DCC: variants seen among roughly 807,000 people sequenced by gnomAD.
DCC encodes DCC netrin 1 receptor.
Under a neutral mutation model 172.5 loss-of-function variants are expected in DCC, and 58 were observed. The observed-to-expected ratio is 0.34, with a 90% CI of 0.27 to 0.42. DCC has a LOEUF of 0.42. DCC is among the 10% of genes least tolerant of loss of function. The probability of loss-of-function intolerance (pLI) is 1.00; values close to 1 mark genes in which losing one functional copy is unlikely to be tolerated. For missense variants in DCC, 1,740 were observed against 1,791.0 expected, an observed-to-expected ratio of 0.97 and a Z score of 0.51; for synonymous variants, 709 against 644.5, an observed-to-expected ratio of 1.10 and a Z score of -1.52.
At chr18:53,283,072 A>G (rs138143846) in intron 12 of DCC, among the ~76,000 whole-genome samples, 282 of 152,336 alleles carry the variant, frequency 1.9e-3, no homozygotes, top group African/African-American at 6.5e-3. Context: ...TAATTATTAC[A>G]AAGTGAATGT....
At chr18:53,354,451 C>T (rs1159837310) in intron 15 of DCC, among the ~76,000 whole-genome samples, 1 of 152,124 alleles carries the variant, frequency 6.6e-6, no homozygotes, top group Non-Finnish European at 1.5e-5. Context: ...TAATGCTCGC[C>T]ATTCTAACTG....
rs535794384 is a variant in DCC at position 53,201,053 on chromosome 18, T to C, written c.1574-4163T>C. On this transcript the variant is annotated intron_variant, in intron 9 of 28. Transcript: ENST00000442544. ...TGAAACTTGGAGTCCATTTGAATTGTGTCACATCACCCCATTGTGCTCTAG... is the reference window on the plus strand; with the variant it reads ...TGAAACTTGGAGTCCATTTGAATTGCGTCACATCACCCCATTGTGCTCTAG... Among the ~76,000 whole-genome samples the C allele has an allele frequency of 3.3e-5, 5 of 152,248 alleles. No homozygotes were observed. The South Asian group carries it at 1.0e-3, about 32-fold the overall frequency.
At chr18:53,360,526 G>T (rs977892907) in intron 15 of DCC, among the ~76,000 whole-genome samples, 14 of 151,986 alleles carry the variant, frequency 9.2e-5, no homozygotes, top group African/African-American at 3.4e-4. Flanking sequence ...GGCATTTACT[G>T]TCTCATTGAA....
At chr18:53,063,690 T>C (rs887865207) in intron 6 of DCC, 3 of 474,738 alleles carry the variant, frequency 6.3e-6, no homozygotes, top group African/African-American at 3.9e-5. Context: ...CTTTAAAACA[T>C]ACAAACAAAC....
At chr18:52,393,703 C>T (rs541934136) in intron 1 of DCC, among the ~76,000 whole-genome samples, 2 of 152,136 alleles carry the variant, frequency 1.3e-5, no homozygotes, top group South Asian at 4.1e-4. Flanking sequence ...TTCATACTTA[C>T]AACACAAAGT....
chr18:52,885,741 T>C (rs1598898578), intron 2 of DCC, among the ~76,000 whole-genome samples: 1 of 152,080 alleles, frequency 6.6e-6, no homozygotes, highest in Non-Finnish European at 1.5e-5. Flanking sequence ...TCTTTCATCA[T>C]AGCCACCACA....
chr18:52,459,456 T>TTTTCTTTCTTTC lies in DCC; in HGVS notation c.91+118594_91+118605dup, dbSNP rs113006148. On this transcript the variant is annotated intron_variant, in intron 1 of 28. Transcript: ENST00000442544. ...ATAAGTAAGAAAATGCAGTATTTGGTTTTCTTTCTTTCTTTCTTTCTTTCT... is the reference window on the plus strand; with the variant it reads ...ATAAGTAAGAAAATGCAGTATTTGGTTTTCTTTCTTTCTTTCTTTCTTTCTTTCTTTCTTTCT... Among the ~76,000 whole-genome samples, 392 of 151,116 alleles carry TTTTCTTTCTTTC rather than the reference T, an allele frequency of 2.6e-3. 1 individual carries two copies. The highest frequency in any genetic ancestry group is 7.5e-3 in the East Asian group (38 of 5,070).
chr18:52,500,087 C>T (rs751567847), intron 1 of DCC, among the ~76,000 whole-genome samples: 3 of 151,668 alleles, frequency 2.0e-5, no homozygotes, highest in Non-Finnish European at 4.4e-5. Flanking sequence ...ACATACAGTG[C>T]TGTTCTGGAA....
At chr18:53,017,667 T>A (rs1599032183) in intron 5 of DCC, among the ~76,000 whole-genome samples, 2 of 152,182 alleles carry the variant, frequency 1.3e-5, no homozygotes, top group Non-Finnish European at 2.9e-5. Flanking sequence ...GAATTATCAC[T>A]CCTTCTAGAA....
chr18:52,672,657 C>T (rs891079960), intron 1 of DCC, among the ~76,000 whole-genome samples: 17 of 149,718 alleles, frequency 1.1e-4, no homozygotes, highest in African/African-American at 4.0e-4. Flanking sequence ...TCCCCTTCCC[C>T]CTTGCCCCCT....
intron 15 of DCC, among the ~76,000 whole-genome samples, chr18:53,379,031 A>G (rs529782639): frequency 1.3e-5 from 2 of 152,378 alleles, no homozygotes; most frequent in South Asian, 4.1e-4. Context: ...TAAGAGACCA[A>G]TGCAATCATC....
chr18:52,999,175 T>C (rs1055632233), intron 5 of DCC, among the ~76,000 whole-genome samples: 20 of 151,980 alleles, frequency 1.3e-4, no homozygotes, highest in Admixed American at 9.2e-4. Context: ...ATTAAATAAT[T>C]TGTTTTTTCT....
intron 15 of DCC, among the ~76,000 whole-genome samples, chr18:53,373,617 T>C (rs909241552): frequency 4.6e-5 from 7 of 152,216 alleles, no homozygotes; most frequent in Admixed American, 6.5e-5. Context: ...AGTTCAGTTT[T>C]ACTGTCATCT....
At chr18:52,876,769 A>G (rs117373717) in intron 2 of DCC, among the ~76,000 whole-genome samples, 1 of 152,232 alleles carries the variant, frequency 6.6e-6, no homozygotes, top group Non-Finnish European at 1.5e-5. Flanking sequence ...GCCTACATGC[A>G]TTGTGCTCAG....
intron 1 of DCC, among the ~76,000 whole-genome samples, chr18:52,576,095 G>A (rs1428841653): frequency 6.6e-6 from 1 of 152,102 alleles, no homozygotes; most frequent in Non-Finnish European, 1.5e-5. Flanking sequence ...GCGGCATGAG[G>A]TTTAAAAAGA....
intron 1 of DCC, among the ~76,000 whole-genome samples, chr18:52,622,247 A>C (rs2034493886): frequency 6.6e-6 from 1 of 152,180 alleles, no homozygotes; most frequent in Non-Finnish European, 1.5e-5. Context: ...AAGGTTCTGG[A>C]AATGGAGTTA....
At chr18:52,787,967 G>A (rs905883611) in intron 2 of DCC, among the ~76,000 whole-genome samples, 6 of 152,066 alleles carry the variant, frequency 3.9e-5, no homozygotes, top group Admixed American at 1.3e-4. Context: ...TTGAACATGA[G>A]GTGAAATCTG....
At chr18:53,180,355 G>A (rs1052954987) in intron 9 of DCC, among the ~76,000 whole-genome samples, 4 of 152,212 alleles carry the variant, frequency 2.6e-5, no homozygotes. Flanking sequence ...AACTTCAAAA[G>A]CATAGTCATG....
intron 1 of DCC, among the ~76,000 whole-genome samples, chr18:52,470,142 TG>T (rs902024952): frequency 2.0e-5 from 3 of 152,280 alleles, no homozygotes; most frequent in Admixed American, 6.5e-5. Context: ...CGGAAATAGA[TG>T]GGAAAAATTA....
Sources: allele counts gnomAD v4.1 joint callset (sites outside exome capture counted in the v4.1 genomes callset), GRCh38; gene constraint gnomAD v4.1.1; transcripts MANE v1.5; gene names NCBI Gene and HGNC (gene_info 2026-07-23, HGNC 2026-07-21).